Variants in FAM78B observed in about 807,000 individuals in gnomAD.
The protein encoded by FAM78B is protein FAM78B.
Under a neutral mutation model 20.0 loss-of-function variants are expected in FAM78B, and 10 were observed. That is an observed-to-expected ratio of 0.50 (90% CI 0.31 to 0.85). FAM78B has a LOEUF of 0.85. FAM78B is among the 40% of genes least tolerant of loss of function. FAM78B has a pLI of 0.05. For missense variants in FAM78B, 283 were observed against 345.0 expected, an observed-to-expected ratio of 0.82 and a Z score of 1.42; for synonymous variants, 135 against 132.8, an observed-to-expected ratio of 1.02 and a Z score of -0.12.
chr1:166,133,998 C>T (rs1366897212), intron 1 of FAM78B, among the ~76,000 whole-genome samples: 1 of 152,226 alleles, frequency 6.6e-6, no homozygotes, highest in Non-Finnish European at 1.5e-5. Context: ...CAGTGAGTGA[C>T]TGAGCCCAGA....
intron 1 of FAM78B, among the ~76,000 whole-genome samples, chr1:166,100,554 A>G (rs1326288887): frequency 2.0e-5 from 3 of 152,218 alleles, no homozygotes; most frequent in Non-Finnish European, 2.9e-5. Flanking sequence ...TATCCCATGC[A>G]TGGCTCAGAG....
intron 1 of FAM78B, among the ~76,000 whole-genome samples, chr1:166,149,819 A>G (rs1655608465): frequency 6.6e-6 from 1 of 151,942 alleles, no homozygotes; most frequent in Non-Finnish European, 1.5e-5. Context: ...CAGCCTGCTG[A>G]GTGCAGGGTG....
At chr1:166,151,431 A>C (rs1445324994) in intron 1 of FAM78B, among the ~76,000 whole-genome samples, 6 of 152,170 alleles carry the variant, frequency 3.9e-5, no homozygotes, top group African/African-American at 1.4e-4. Context: ...CCAGATGTTG[A>C]AGGTAAATCT....
chr1:166,079,579 T>G lies in FAM78B; in HGVS notation c.264-8816A>C, dbSNP rs149531162. ...TGATGGAACATCTTTTTCAATGTGG[T>G]ACAGAGCCAGGGGTGGGAGGGGAAG... On this transcript the variant is annotated intron_variant, in intron 1 of 1. Coordinates refer to ENST00000354422, the MANE Select transcript of FAM78B (RefSeq NM_001017961.5). Among the ~76,000 whole-genome samples, 584 of 152,182 alleles carry G rather than the reference T, an allele frequency of 3.8e-3. 4 individuals are homozygous for G. Among genetic ancestry groups the G allele is most frequent in the African/African-American group, 0.013 (547 of 41,502 alleles).
chr1:166,057,147 CCCCAAAAGACTAAG>C (rs559239890), downstream of FAM78B, among the ~76,000 whole-genome samples: 286 of 152,300 alleles, frequency 1.9e-3, 3 homozygotes, highest in Non-Finnish European at 3.1e-3. Context: ...GTTATAGCAG[CCCCAAAAGACTAAG>C]CCCAAAGCGT....
At chr1:166,113,388 AG>A (rs1337281783) in intron 1 of FAM78B, among the ~76,000 whole-genome samples, 4 of 152,262 alleles carry the variant, frequency 2.6e-5, no homozygotes, top group African/African-American at 9.6e-5. Flanking sequence ...TCTGTTAAAC[AG>A]GGCTAACAGC....
At chr1:166,138,705 T>C (rs1447752837) in intron 1 of FAM78B, among the ~76,000 whole-genome samples, 1 of 152,236 alleles carries the variant, frequency 6.6e-6, no homozygotes, top group Non-Finnish European at 1.5e-5. Flanking sequence ...CAGCTCGTTT[T>C]GAGGGTCCAA....
intron 1 of FAM78B, among the ~76,000 whole-genome samples, chr1:166,119,682 CAT>C (rs967641532): frequency 2.6e-5 from 4 of 152,230 alleles, no homozygotes; most frequent in African/African-American, 7.2e-5. Flanking sequence ...TTCTATTACA[CAT>C]CTCTCTTGGA....
At chr1:166,102,082 A>G (rs889287761) in intron 1 of FAM78B, among the ~76,000 whole-genome samples, 1 of 152,234 alleles carries the variant, frequency 6.6e-6, no homozygotes, top group Non-Finnish European at 1.5e-5. Flanking sequence ...ATAATTTTCA[A>G]CCCAGAATTT....
chr1:166,081,760 G>T (rs1047494054), intron 1 of FAM78B, among the ~76,000 whole-genome samples: 2 of 152,172 alleles, frequency 1.3e-5, no homozygotes, highest in Admixed American at 6.5e-5. Flanking sequence ...AGAGGAAACT[G>T]GGGCTGGAGG....
intron 1 of FAM78B, among the ~76,000 whole-genome samples, chr1:166,084,672 T>A (rs1652739870): frequency 6.6e-6 from 1 of 152,204 alleles, no homozygotes; most frequent in South Asian, 2.1e-4. Flanking sequence ...TGGGTCCACG[T>A]CTACTCTCCT....
intron 1 of FAM78B, among the ~76,000 whole-genome samples, chr1:166,115,388 G>A (rs1254724647): frequency 6.6e-6 from 1 of 152,202 alleles, no homozygotes; most frequent in Non-Finnish European, 1.5e-5. Flanking sequence ...CAGGCAGAGG[G>A]GACAAGCAAG....
At chr1:166,157,633 CA>C (rs1013927159) in intron 1 of FAM78B, among the ~76,000 whole-genome samples, 11 of 152,262 alleles carry the variant, frequency 7.2e-5, no homozygotes, top group African/African-American at 2.4e-4. Flanking sequence ...ATGACAAAGC[CA>C]GGGGTCCCTT....
In FAM78B at chr1:166,089,421, G is replaced by T. The variant is rs562541174; in HGVS notation, c.264-18658C>A. On this transcript the variant is annotated intron_variant, in intron 1 of 1. Coordinates refer to ENST00000354422, the MANE Select transcript of FAM78B (RefSeq NM_001017961.5). ...TACATGAAACAGGTAGCGACAAGGGGCAAGAGGATGGAGGAGAGTGGGAAG... is the reference window on the plus strand; with the variant it reads ...TACATGAAACAGGTAGCGACAAGGGTCAAGAGGATGGAGGAGAGTGGGAAG... Among the ~76,000 whole-genome samples the T allele has an allele frequency of 2.0e-5, 3 of 152,294 alleles. No homozygotes were observed. The East Asian group carries it at 5.8e-4, about 29-fold the overall frequency.
chr1:166,106,203 T>C (rs1170838651), intron 1 of FAM78B, among the ~76,000 whole-genome samples: 9 of 101,670 alleles, frequency 8.9e-5, no homozygotes, highest in African/African-American at 1.2e-4. Context: ...CCGGGGCCTG[T>C]TGTGGGGTGG....
intron 1 of FAM78B, among the ~76,000 whole-genome samples, chr1:166,079,899 G>C (rs1478741943): frequency 1.3e-5 from 2 of 152,190 alleles, no homozygotes; most frequent in African/African-American, 4.8e-5. Context: ...CTGGAACCCA[G>C]GACAGTTCCA....
intron 1 of FAM78B, among the ~76,000 whole-genome samples, chr1:166,088,137 G>T (rs78369103): frequency 0.013 from 1,942 of 152,280 alleles, 21 homozygotes; most frequent in Non-Finnish European, 0.017. Flanking sequence ...TCCCTGGATG[G>T]ATCATCTCTG....
intron 1 of FAM78B, among the ~76,000 whole-genome samples, chr1:166,149,752 C>T (rs1385805800): frequency 6.6e-6 from 1 of 152,154 alleles, no homozygotes; most frequent in African/African-American, 2.4e-5. Context: ...AGCTCCATAT[C>T]GTAGAATACC....
At chr1:166,164,052 T>G (rs562090207) in intron 1 of FAM78B, among the ~76,000 whole-genome samples, 1 of 152,232 alleles carries the variant, frequency 6.6e-6, no homozygotes, top group Non-Finnish European at 1.5e-5. Flanking sequence ...TCAACTACCA[T>G]GTCTGTTTAT....
Sources: allele counts gnomAD v4.1 joint callset (sites outside exome capture counted in the v4.1 genomes callset), GRCh38; gene constraint gnomAD v4.1.1; transcripts MANE v1.5; gene names NCBI Gene and HGNC (gene_info 2026-07-23, HGNC 2026-07-21).